Variants in VPS13B observed in about 807,000 individuals in gnomAD.
VPS13B encodes vacuolar protein sorting 13 homolog B.
In VPS13B, 285 loss-of-function variants were observed where a neutral mutation model predicts 426.4. That is an observed-to-expected ratio of 0.67 (90% CI 0.61 to 0.74). The LOEUF (loss-of-function observed/expected upper bound fraction) is 0.74, where lower values mean the gene tolerates loss of function less well. Ranked by LOEUF, VPS13B falls within the 30% of genes least tolerant of loss-of-function variation. VPS13B has a pLI of 0.00. For missense variants in VPS13B, 4,537 were observed against 4,782.6 expected (o/e 0.95, Z 1.51); for synonymous variants, 1,676 against 1,676.4 (o/e 1.00, Z 0.01).
intron 36 of VPS13B, among the ~76,000 whole-genome samples, chr8:99,705,444 C>G (rs1832461329): frequency 6.6e-6 from 1 of 151,976 alleles, no homozygotes; most frequent in Admixed American, 6.6e-5. Flanking sequence ...TTATATTCTC[C>G]TTGCTGTAAC....
intron 35 of VPS13B, among the ~76,000 whole-genome samples, chr8:99,678,945 A>G (rs1182068690): frequency 2.6e-5 from 4 of 152,144 alleles, no homozygotes; most frequent in African/African-American, 9.7e-5. Flanking sequence ...TGAACTCATT[A>G]TTTTTAATAA....
At chr8:99,408,368 T>A (rs1815445138) in intron 21 of VPS13B, among the ~76,000 whole-genome samples, 4 of 152,110 alleles carry the variant, frequency 2.6e-5, no homozygotes, top group Admixed American at 2.6e-4. Context: ...GGATGCAAGG[T>A]CAAATTCAGG....
chr8:99,278,995 A>G (rs1819034036), intron 19 of VPS13B, among the ~76,000 whole-genome samples: 1 of 152,128 alleles, frequency 6.6e-6, no homozygotes, highest in Non-Finnish European at 1.5e-5. Flanking sequence ...TAGATACAAC[A>G]GGTCACATAG....
chr8:99,345,074 T>C (rs1811465775), intron 19 of VPS13B, among the ~76,000 whole-genome samples: 1 of 152,216 alleles, frequency 6.6e-6, no homozygotes, highest in Admixed American at 6.5e-5. Context: ...CTTGTATGGA[T>C]AGCTAGTTCT....
rs373512013 is a variant in VPS13B, at chr8:99,778,832, C to T, written c.7580C>T (p.Ala2527Val). The T allele has an allele frequency of 6.2e-7, 1 of 1,613,898 alleles. No homozygotes were observed. Among genetic ancestry groups the T allele is most frequent in the Non-Finnish European group, 8.5e-7 (1 of 1,179,946 alleles). The change falls in exon 42 of 62, where the codon GCA becomes GTA. Residue 2527 changes from alanine (A) to valine (V), a missense_variant. By Grantham distance (64) the Ala-to-Val change is moderately conservative. Transcript: ENST00000357162. ...CAGGAGATCCAGTTCTTAGCTCAAG[C>T]AGACTGTAAACTTCTAGAGTGCAGA... is the stretch of plus-strand genomic sequence containing the variant. ...VCQEIQFLAQ[A>V]DCKLLECRNV...
chr8:99,289,057 ATG>A (rs1378264904), intron 19 of VPS13B, among the ~76,000 whole-genome samples: 4 of 151,692 alleles, frequency 2.6e-5, no homozygotes, highest in Non-Finnish European at 5.9e-5. Flanking sequence ...GAATGAATGA[ATG>A]AATGAAAGAA....
intron 35 of VPS13B, 40 bp from the exon 36 acceptor site, chr8:99,699,485 G>A: frequency 6.2e-7 from 1 of 1,603,614 alleles, no homozygotes; most frequent in Non-Finnish European, 8.5e-7. Flanking sequence ...TATTCAGTAA[G>A]AAAGCTTCAA....
At chr8:99,483,220 G>T (rs1234775124) in intron 25 of VPS13B, among the ~76,000 whole-genome samples, 1 of 152,030 alleles carries the variant, frequency 6.6e-6, no homozygotes, top group African/African-American at 2.4e-5. Context: ...TTTCTATCTT[G>T]CCCATTCCAA....
chr8:99,373,167 T>TG (rs1205943757), intron 19 of VPS13B, among the ~76,000 whole-genome samples: 2 of 151,242 alleles, frequency 1.3e-5, no homozygotes, highest in East Asian at 3.9e-4. Flanking sequence ...TGTTGGGAGG[T>TG]GGGGGGCAAT....
At chr8:99,586,917 T>G (rs1332229055) in intron 33 of VPS13B, among the ~76,000 whole-genome samples, 1 of 152,164 alleles carries the variant, frequency 6.6e-6, no homozygotes, top group Non-Finnish European at 1.5e-5. Flanking sequence ...CGTGTTGGTT[T>G]GCTGCACGCA....
chr8:99,838,206 C>G (rs1430593950), intron 54 of VPS13B, among the ~76,000 whole-genome samples: 1 of 152,176 alleles, frequency 6.6e-6, no homozygotes, highest in Non-Finnish European at 1.5e-5. Context: ...GGTTATTCAA[C>G]CAGAGACCTG....
chr8:99,143,297 A>G lies in VPS13B; in HGVS notation c.1843+132A>G. ...TGTTTGCAAGGACTTTGATATATGT[A>G]GCTGTTTATTTAAAGAATAAACTTG... is the stretch of plus-strand genomic sequence containing the variant. On this transcript the variant is annotated intron_variant, in intron 13 of 61. Coordinates refer to ENST00000357162, the MANE Select transcript of VPS13B (RefSeq NM_152564.5). 5.5e-6 allele frequency: 6 copies of G among 1,089,406 alleles called. No homozygotes were observed. The South Asian group carries it at 6.8e-5, about 12-fold the overall frequency. 67.5% of individuals were successfully genotyped at this position (1,089,406 alleles called of 1,614,324 possible).
chr8:99,411,902 G>T (rs550245921), intron 21 of VPS13B, among the ~76,000 whole-genome samples: 1 of 151,816 alleles, frequency 6.6e-6, no homozygotes, highest in South Asian at 2.1e-4. Flanking sequence ...CTGTTCCATT[G>T]GTCTATATAT....
chr8:99,288,965 G>C (rs980753759), intron 19 of VPS13B, among the ~76,000 whole-genome samples: 1 of 151,948 alleles, frequency 6.6e-6, no homozygotes, highest in Non-Finnish European at 1.5e-5. Context: ...GGGAGGCTGA[G>C]GTGGAAGGAT....
intron 61 of VPS13B, among the ~76,000 whole-genome samples, chr8:99,873,805 A>G (rs1404438695): frequency 6.6e-6 from 1 of 152,196 alleles, no homozygotes; most frequent in Non-Finnish European, 1.5e-5. Flanking sequence ...CTGCCTTGTC[A>G]GTGAGCTTTC....
At chr8:99,063,749 AACAG>A (rs1844323351) in intron 3 of VPS13B, among the ~76,000 whole-genome samples, 1 of 152,176 alleles carries the variant, frequency 6.6e-6, no homozygotes, top group African/African-American at 2.4e-5. Context: ...GAGCTCAGAG[AACAG>A]ACAGACTGCC....
chr8:99,657,713 A>G (rs1830074232), intron 34 of VPS13B, among the ~76,000 whole-genome samples: 1 of 152,104 alleles, frequency 6.6e-6, no homozygotes, highest in South Asian at 2.1e-4. Flanking sequence ...ATTTTCCCAA[A>G]TTGTTAATAT....
intron 35 of VPS13B, among the ~76,000 whole-genome samples, chr8:99,675,186 G>A (rs902134930): frequency 6.6e-6 from 1 of 151,784 alleles, no homozygotes; most frequent in African/African-American, 2.4e-5. Flanking sequence ...TTCATTAAAG[G>A]GCAGCTTTGC....
chr8:99,229,611 G>C (rs1816210670), intron 17 of VPS13B, among the ~76,000 whole-genome samples: 1 of 152,126 alleles, frequency 6.6e-6, no homozygotes, highest in African/African-American at 2.4e-5. Context: ...TATGGAAGAA[G>C]AATTTTCTAA....
Sources: allele counts gnomAD v4.1 joint callset (sites outside exome capture counted in the v4.1 genomes callset), GRCh38; gene constraint gnomAD v4.1.1; transcripts MANE v1.5; gene names NCBI Gene and HGNC (gene_info 2026-07-23, HGNC 2026-07-21).